THADA: variants seen among roughly 807,000 people sequenced by gnomAD.
The protein encoded by THADA is THADA armadillo repeat containing, also known as tRNA (32-2'-O)-methyltransferase regulator THADA.
In THADA, 213 loss-of-function variants were observed where a neutral mutation model predicts 219.8. The ratio of observed to expected loss-of-function variants is 0.97; its 90% CI spans 0.87 to 1.09. The LOEUF (loss-of-function observed/expected upper bound fraction) is 1.09, where lower values mean the gene tolerates loss of function less well. Ranked by LOEUF, THADA falls within the 50% of genes least tolerant of loss-of-function variation. The pLI, the probability that THADA is intolerant of heterozygous loss-of-function variation, is 0.00. For missense variants in THADA, 2,956 were observed against 2,311.3 expected (o/e 1.28, Z -5.72); for synonymous variants, 1,018 against 828.9 (o/e 1.23, Z -3.92).
chr2:43,314,276 T>G (rs1430589482), intron 31 of THADA, among the ~76,000 whole-genome samples: 1 of 152,068 alleles, frequency 6.6e-6, no homozygotes, highest in Admixed American at 6.6e-5. Context: ...ATGAGTCATA[T>G]TTCAATATAT....
At chr2:43,309,864 A>G (rs1323423371) in intron 31 of THADA, among the ~76,000 whole-genome samples, 1 of 152,222 alleles carries the variant, frequency 6.6e-6, no homozygotes, top group Admixed American at 6.5e-5. Flanking sequence ...TTTGTTCAGT[A>G]ATGTTGCAGG....
intron 27 of THADA, among the ~76,000 whole-genome samples, chr2:43,429,171 G>A (rs992936572): frequency 6.7e-6 from 1 of 150,000 alleles, no homozygotes; most frequent in Non-Finnish European, 1.5e-5. Context: ...GCAGTGGCAA[G>A]ATCTCAGCTC....
chr2:43,311,137 T>C (rs1406347375), intron 31 of THADA, among the ~76,000 whole-genome samples: 3 of 151,784 alleles, frequency 2.0e-5, no homozygotes, highest in Non-Finnish European at 4.4e-5. Context: ...GATCGTGCCA[T>C]TGCACTCCAG....
chr2:43,581,969 A>T (rs764115616), intron 7 of THADA, 41 bp from the exon 8 acceptor site: 1 of 1,419,708 alleles, frequency 7.0e-7, no homozygotes, highest in Non-Finnish European at 9.3e-7. Flanking sequence ...GGAAATTCAA[A>T]CAAAAGTGTG....
intron 24 of THADA, among the ~76,000 whole-genome samples, chr2:43,500,774 CA>C (rs1688851460): frequency 6.6e-6 from 1 of 152,020 alleles, no homozygotes; most frequent in Non-Finnish European, 1.5e-5. Context: ...AAAGTTAAAA[CA>C]AACTTAGCAT....
At chr2:43,237,133 T>C (rs1017891432) in intron 36 of THADA, among the ~76,000 whole-genome samples, 3 of 146,878 alleles carry the variant, frequency 2.0e-5, no homozygotes, top group Non-Finnish European at 4.5e-5. Flanking sequence ...AGGATAGACA[T>C]ATAGATCAAC....
chr2:43,326,933 G>A (rs1401956601), intron 30 of THADA, among the ~76,000 whole-genome samples: 2 of 152,120 alleles, frequency 1.3e-5, no homozygotes, highest in African/African-American at 4.8e-5. Context: ...AGGTCTCTAA[G>A]ACACATGGCT....
chr2:43,402,948 G>C (rs1050645847), intron 28 of THADA, among the ~76,000 whole-genome samples: 7 of 152,188 alleles, frequency 4.6e-5, no homozygotes, highest in African/African-American at 1.7e-4. Flanking sequence ...AACCCAAACT[G>C]CCCCTCAGGG....
At chr2:43,562,932 C>T (rs892003149) in intron 15 of THADA, 1 of 152,158 alleles carries the variant, frequency 6.6e-6, no homozygotes, top group African/African-American at 2.4e-5. Flanking sequence ...ACTTTCATTT[C>T]TGATTTTAGT....
At chr2:43,412,885 T>A (rs1327397184) in intron 28 of THADA, among the ~76,000 whole-genome samples, 1 of 152,206 alleles carries the variant, frequency 6.6e-6, no homozygotes, top group Non-Finnish European at 1.5e-5. Flanking sequence ...TCCCTACATC[T>A]TCTAGCCTTT....
chr2:43,286,289 G>T (rs534842186), intron 35 of THADA, among the ~76,000 whole-genome samples: 12 of 152,172 alleles, frequency 7.9e-5, no homozygotes, highest in Non-Finnish European at 1.8e-4. Flanking sequence ...GGCCTTATGA[G>T]CCGTGCTAAA....
At position 43,556,507 on chromosome 2, in the gene THADA, T is replaced by G; in HGVS notation, c.2512A>C (p.Thr838Pro). Residue 838 changes from threonine (T) to proline (P), a missense_variant, in exon 17 of 38, where the codon ACA (threonine) becomes CCA (proline). Thr to Pro is a conservative substitution (Grantham distance 38). Coordinates refer to ENST00000405975, the MANE Select transcript of THADA (RefSeq NM_022065.5). ...GLFQAALELS[T>P]STKPYDCVTA... ...ACACAGTCGTATGGTTTGGTGCTTGTGCTGAGCTCCAATGCTGCCTGAAAT... is the reference window on the plus strand; with the variant it reads ...ACACAGTCGTATGGTTTGGTGCTTGGGCTGAGCTCCAATGCTGCCTGAAAT... The G allele has an allele frequency of 6.2e-7, 1 of 1,613,900 alleles. No homozygotes were observed. The highest frequency in any genetic ancestry group is 8.5e-7 in the Non-Finnish European group (1 of 1,179,832).
chr2:43,455,589 A>G (rs1375599602), intron 26 of THADA, among the ~76,000 whole-genome samples: 3 of 152,052 alleles, frequency 2.0e-5, no homozygotes, highest in African/African-American at 7.2e-5. Context: ...TAAAAACAGG[A>G]GCATATTAAA....
At chr2:43,314,200 T>C (rs1677821424) in intron 31 of THADA, among the ~76,000 whole-genome samples, 2 of 152,210 alleles carry the variant, frequency 1.3e-5, no homozygotes, top group South Asian at 4.1e-4. Context: ...GACAAATCCT[T>C]ATCAGCCTAA....
At chr2:43,291,435 C>T (rs1674690574) in intron 34 of THADA, among the ~76,000 whole-genome samples, 1 of 40,916 alleles carries the variant, frequency 2.4e-5, no homozygotes, top group Non-Finnish European at 4.6e-5. Flanking sequence ...GCCTGGGCAA[C>T]AAGAGCAAAA....
At chr2:43,323,528 C>A (rs917394698) in intron 30 of THADA, among the ~76,000 whole-genome samples, 1 of 152,148 alleles carries the variant, frequency 6.6e-6, no homozygotes, top group Non-Finnish European at 1.5e-5. Context: ...TGAGACTGCC[C>A]CCTGCTAAAG....
chr2:43,494,468 T>A (rs916162736), intron 25 of THADA, among the ~76,000 whole-genome samples: 1 of 152,206 alleles, frequency 6.6e-6, no homozygotes, highest in African/African-American at 2.4e-5. Flanking sequence ...CTTCTTTGTA[T>A]TCTTAAAATA....
intron 36 of THADA, among the ~76,000 whole-genome samples, chr2:43,256,564 A>G (rs1479325560): frequency 6.6e-6 from 1 of 151,736 alleles, no homozygotes; most frequent in Non-Finnish European, 1.5e-5. Flanking sequence ...GGCACATGCT[A>G]CCATTCCTGG....
intron 31 of THADA, among the ~76,000 whole-genome samples, chr2:43,304,792 C>T (rs1676666187): frequency 6.6e-6 from 1 of 152,106 alleles, no homozygotes; most frequent in African/African-American, 2.4e-5. Context: ...CTGCCTCAGC[C>T]TCCCGAGTAG....
Sources: gnomAD v4.1 joint callset for allele counts (sites outside exome capture counted in the v4.1 genomes callset) on GRCh38, gnomAD v4.1.1 for gene constraint, MANE v1.5 for transcripts, NCBI Gene and HGNC (gene_info 2026-07-23, HGNC 2026-07-21) for gene names.